The following PLEKHA5 variants were observed in gnomAD, a reference collection of about 807,000 sequenced individuals.
The protein encoded by PLEKHA5 is pleckstrin homology domain containing A5.
Under a neutral mutation model 181.9 loss-of-function variants are expected in PLEKHA5, and 55 were observed. The ratio of observed to expected loss-of-function variants is 0.30; its 90% CI spans 0.24 to 0.38. The LOEUF is 0.38. PLEKHA5 is among the 10% of genes least tolerant of loss of function. PLEKHA5 has a pLI of 1.00. For missense variants in PLEKHA5, 1,432 were observed against 1,549.5 expected (o/e 0.92, Z 1.27); for synonymous variants, 535 against 529.4 (o/e 1.01, Z -0.15).
chr12:19,224,934 A>G (rs1355137436), intron 3 of PLEKHA5, among the ~76,000 whole-genome samples: 1 of 152,162 alleles, frequency 6.6e-6, no homozygotes, highest in Non-Finnish European at 1.5e-5. Flanking sequence ...CCAGGAGGTC[A>G]AGGCTATAGT....
intron 15 of PLEKHA5, among the ~76,000 whole-genome samples, chr12:19,307,991 G>T (rs993276046): frequency 1.3e-5 from 2 of 151,946 alleles, no homozygotes; most frequent in East Asian, 3.9e-4. Flanking sequence ...GCAAGAAGAA[G>T]AGTAAAGATA....
intron 11 of PLEKHA5, among the ~76,000 whole-genome samples, chr12:19,281,509 G>A (rs571924957): frequency 1.3e-5 from 2 of 151,874 alleles, no homozygotes; most frequent in African/African-American, 4.8e-5. Context: ...CCTGAGAGGC[G>A]GAGGTTGCAG....
intron 3 of PLEKHA5, among the ~76,000 whole-genome samples, chr12:19,211,101 A>T (rs1254277678): frequency 1.3e-5 from 2 of 152,176 alleles, no homozygotes; most frequent in Non-Finnish European, 2.9e-5. Context: ...AATACTTAAA[A>T]ATTATGAAAT....
chr12:19,152,428 AT>A (rs1565873009), intron 3 of PLEKHA5: 1 of 152,230 alleles, frequency 6.6e-6, no homozygotes, highest in Non-Finnish European at 1.5e-5. Context: ...ATGAAGAATA[AT>A]TAATAGCAAT....
chr12:19,328,564 T>A (rs1243743485), intron 20 of PLEKHA5, among the ~76,000 whole-genome samples: 3 of 96,202 alleles, frequency 3.1e-5, no homozygotes, highest in Non-Finnish European at 6.7e-5. Context: ...TAGGAGTGTG[T>A]GTGTGTGTGT....
intron 21 of PLEKHA5, among the ~76,000 whole-genome samples, chr12:19,340,497 T>G: frequency 6.8e-6 from 1 of 146,180 alleles, no homozygotes. Context: ...AATGGCGGTT[T>G]TGTGGAATAG....
At chr12:19,270,793 CTTTTTTCCCTCTTCTT>C (rs1246648270) in intron 10 of PLEKHA5, among the ~76,000 whole-genome samples, 3 of 152,196 alleles carry the variant, frequency 2.0e-5, no homozygotes, top group East Asian at 1.9e-4. Context: ...TAATGTGCAT[CTTTTTTCCCTCTTCTT>C]TTTTTTCCCT....
Position 19,343,394 on chromosome 12 carries a change from G to A in PLEKHA5, c.2622G>A (p.Gly874=), listed in dbSNP as rs148911990. The change falls in exon 22 of 32, where the codon GGG becomes GGA. Residue 874 remains glycine, a synonymous_variant. Coordinates refer to ENST00000429027, the MANE Select transcript of PLEKHA5 (RefSeq NM_001256470.2). ...ELWRIQDVME[G]LSKHKQQRGT... ...GGCGAATTCAGGATGTCATGGAAGGGCTGAGTAAACATAAGCAGCAAAGAG... is the reference window on the plus strand; with the variant it reads ...GGCGAATTCAGGATGTCATGGAAGGACTGAGTAAACATAAGCAGCAAAGAG... 8.6e-4 allele frequency: 1,386 copies of A among 1,613,044 alleles called. 8 individuals are homozygous for A. In the African/African-American group the frequency reaches 0.017, roughly 20 times the overall value.
chr12:19,248,062 C>A (rs2064238563), intron 3 of PLEKHA5, among the ~76,000 whole-genome samples: 1 of 151,948 alleles, frequency 6.6e-6, no homozygotes, highest in African/African-American at 2.4e-5. Flanking sequence ...TCCTAAGTAG[C>A]TATTTTAAAA....
Position 19,268,110 on chromosome 12 carries a change from T to G in PLEKHA5, c.712-1660T>G, listed in dbSNP as rs73331817. Among the ~76,000 whole-genome samples, 456 of 152,278 alleles carry G rather than the reference T, an allele frequency of 3.0e-3. 2 individuals are homozygous for G. The highest frequency in any genetic ancestry group is 0.011 in the African/African-American group (442 of 41,566). ...GGATAAGAGGGGAGTATCTTCATAG[T>G]TAAATTAACTTTATCAAAATAAACT... On this transcript the variant is annotated intron_variant, in intron 8 of 31. Coordinates refer to ENST00000429027, the MANE Select transcript of PLEKHA5 (RefSeq NM_001256470.2).
intron 15 of PLEKHA5, among the ~76,000 whole-genome samples, chr12:19,294,600 C>T (rs541938789): frequency 2.3e-4 from 35 of 152,264 alleles, no homozygotes; most frequent in African/African-American, 8.2e-4. Context: ...TAGTTTTCCT[C>T]CTGCCCCTTG....
At chr12:19,252,329 T>C (rs984973351) in intron 3 of PLEKHA5, among the ~76,000 whole-genome samples, 1 of 152,152 alleles carries the variant, frequency 6.6e-6, no homozygotes, top group Admixed American at 6.5e-5. Context: ...AGAAAACTAA[T>C]ATTCAATACA....
At chr12:19,343,289 T>G (rs1300279234) in intron 21 of PLEKHA5, 34 bp from the exon 22 acceptor site, 1 of 1,248,772 alleles carries the variant, frequency 8.0e-7, no homozygotes, top group Non-Finnish European at 1.1e-6. Flanking sequence ...ATGATTTTTT[T>G]TCTTATATAT....
intron 3 of PLEKHA5, among the ~76,000 whole-genome samples, chr12:19,141,542 C>A (rs1044612964): frequency 1.3e-5 from 2 of 152,342 alleles, no homozygotes; most frequent in East Asian, 1.9e-4. Flanking sequence ...ACCTGAGCAT[C>A]TGTAAACTTC....
Position 19,279,789 on chromosome 12 carries a change from G to A in PLEKHA5, c.1314-3491G>A, listed in dbSNP as rs147614016. On this transcript the variant is annotated intron_variant, in intron 11 of 31. Coordinates refer to ENST00000429027, the MANE Select transcript of PLEKHA5 (RefSeq NM_001256470.2). The stretch of plus-strand genomic sequence containing the variant: ...TCATCCAAGGTCTAAGTACTTAATA[G>A]GAAAGCAAGAATCAAAACTTGGCTG... Among the ~76,000 whole-genome samples, 910 of 151,874 alleles carry A rather than the reference G, an allele frequency of 6.0e-3. 9 individuals carry two copies. The highest frequency in any genetic ancestry group is 0.021 in the African/African-American group (863 of 41,394).
intron 11 of PLEKHA5, among the ~76,000 whole-genome samples, chr12:19,277,302 A>G (rs1257036208): frequency 6.6e-6 from 1 of 152,204 alleles, no homozygotes; most frequent in African/African-American, 2.4e-5. Flanking sequence ...CCCGAAAATC[A>G]TACTTTCTTA....
chr12:19,318,640 C>T (rs1040423409), intron 16 of PLEKHA5, among the ~76,000 whole-genome samples: 2 of 152,120 alleles, frequency 1.3e-5, no homozygotes, highest in African/African-American at 4.8e-5. Flanking sequence ...AAGCAAACTA[C>T]GGCTGGGCGT....
At chr12:19,196,369 A>G (rs892494873) in intron 3 of PLEKHA5, among the ~76,000 whole-genome samples, 1 of 152,240 alleles carries the variant, frequency 6.6e-6, no homozygotes, top group African/African-American at 2.4e-5. Context: ...AAAAATTTGA[A>G]CCACAAACTG....
At chr12:19,174,310 T>C (rs1179813122) in intron 3 of PLEKHA5, among the ~76,000 whole-genome samples, 1 of 152,136 alleles carries the variant, frequency 6.6e-6, no homozygotes, top group East Asian at 1.9e-4. Flanking sequence ...TATCAGAAAA[T>C]CGCACTGGAG....
Sources: gnomAD v4.1 joint callset for allele counts (sites outside exome capture counted in the v4.1 genomes callset) on GRCh38, gnomAD v4.1.1 for gene constraint, MANE v1.5 for transcripts, NCBI Gene and HGNC (gene_info 2026-07-23, HGNC 2026-07-21) for gene names.